CNTN6: variants seen among roughly 807,000 people sequenced by gnomAD.
CNTN6 encodes contactin 6, also known as contactin-6.
A neutral mutation model predicts 122.8 loss-of-function variants in CNTN6; 137 were observed. That is an observed-to-expected ratio of 1.12 (90% CI 0.97 to 1.29). The LOEUF is 1.29. CNTN6 is among the 50% of genes most tolerant of loss of function. The pLI, the probability that CNTN6 is intolerant of heterozygous loss-of-function variation, is 0.00. For missense variants in CNTN6, 1,634 were observed against 1,223.4 expected (o/e 1.34, Z -5.01); for synonymous variants, 570 against 426.0 (o/e 1.34, Z -4.16).
At chr3:1,148,190 T>G (rs990202283) in intron 2 of CNTN6, 127 bp downstream of exon 2, 11 of 687,456 alleles carry the variant, frequency 1.6e-5, no homozygotes, top group Non-Finnish European at 2.7e-5. Flanking sequence ...GATAATGTTT[T>G]GAAGGTAACT....
At chr3:1,196,018 A>G (rs1407160954) in intron 2 of CNTN6, among the ~76,000 whole-genome samples, 2 of 152,210 alleles carry the variant, frequency 1.3e-5, no homozygotes, top group Non-Finnish European at 2.9e-5. Context: ...AAGCAAAAAG[A>G]GACAATGAAA....
intron 12 of CNTN6, among the ~76,000 whole-genome samples, chr3:1,368,155 A>G (rs1708499463): frequency 6.6e-6 from 1 of 152,190 alleles, no homozygotes; most frequent in Non-Finnish European, 1.5e-5. Context: ...CCAATAATTG[A>G]TGAGTTTTGC....
rs1575599444 is a variant in CNTN6, at chr3:1,298,061, A to C, written c.761+70A>C. 2.8e-6 allele frequency: 3 copies of C among 1,060,818 alleles called. No individual in the cohort carries two copies. The East Asian group carries it at 7.5e-5, about 27-fold the overall frequency. The allele number at this position is 1,060,818 out of a possible 1,614,324, so 65.7% of individuals were successfully genotyped here. On this transcript the variant is annotated intron_variant, in intron 7 of 22. Transcript: ENST00000446702. ...TTTTTTTATTAAAAACCTTTTTGTTATTCATATATTGCTCTAAGGTAAATT... is the reference window on the plus strand; with the variant it reads ...TTTTTTTATTAAAAACCTTTTTGTTCTTCATATATTGCTCTAAGGTAAATT...
chr3:1,132,501 G>A (rs1219361686), intron 1 of CNTN6, among the ~76,000 whole-genome samples: 2 of 151,840 alleles, frequency 1.3e-5, no homozygotes, highest in Admixed American at 1.3e-4. Context: ...GAGGCAGGAG[G>A]ATCATTTGAG....
intron 4 of CNTN6, among the ~76,000 whole-genome samples, chr3:1,250,427 T>C (rs2094646286): frequency 6.6e-6 from 1 of 152,134 alleles, no homozygotes; most frequent in African/African-American, 2.4e-5. Flanking sequence ...AAAATTGTCC[T>C]CCCCTGAGCT....
At chr3:1,387,969 G>T (rs1693346841) in intron 20 of CNTN6, among the ~76,000 whole-genome samples, 1 of 152,100 alleles carries the variant, frequency 6.6e-6, no homozygotes. Flanking sequence ...CTGCAAGGCG[G>T]CAGCGAGGCT....
chr3:1,200,892 C>T (rs889906777), intron 2 of CNTN6, among the ~76,000 whole-genome samples: 4 of 151,614 alleles, frequency 2.6e-5, no homozygotes, highest in African/African-American at 9.7e-5. Flanking sequence ...ACCCTATACT[C>T]TTTCTTCTTT....
intron 20 of CNTN6, among the ~76,000 whole-genome samples, chr3:1,396,491 T>A (rs1425929563): frequency 1.3e-5 from 2 of 152,184 alleles, no homozygotes; most frequent in Non-Finnish European, 2.9e-5. Flanking sequence ...ATCTAATTAT[T>A]TGATAACTCT....
Position 1,329,955 on chromosome 3 carries a change from T to A in CNTN6, c.1364+20T>A, listed in dbSNP as rs748988470. On this transcript the variant is annotated intron_variant, in intron 11 of 22. Coordinates refer to ENST00000446702, the MANE Select transcript of CNTN6 (RefSeq NM_001289080.2). ...CAAAAGGTAAACAAATCTTTATTTT[T>A]AAAAATATTTTTGTTTGTAATATAA... The A allele has an allele frequency of 9.3e-6, 14 of 1,502,030 alleles. No homozygotes were observed. The highest frequency in any genetic ancestry group is 4.3e-5 in the African/African-American group (3 of 69,032). 93.0% of individuals were successfully genotyped at this position (1,502,030 alleles called of 1,614,324 possible).
chr3:1,248,532 A>G (rs2094612280), intron 4 of CNTN6, among the ~76,000 whole-genome samples: 1 of 152,172 alleles, frequency 6.6e-6, no homozygotes, highest in Non-Finnish European at 1.5e-5. Flanking sequence ...AATGTGCCCA[A>G]GGACATCAAG....
At chr3:1,248,626 G>T (rs1222494324) in intron 4 of CNTN6, among the ~76,000 whole-genome samples, 1 of 151,998 alleles carries the variant, frequency 6.6e-6, no homozygotes, top group African/African-American at 2.4e-5. Context: ...TTGAGACTAG[G>T]TTGGCCAACA....
intron 2 of CNTN6, among the ~76,000 whole-genome samples, chr3:1,148,425 T>C (rs2092769068): frequency 6.6e-6 from 1 of 151,434 alleles, no homozygotes; most frequent in African/African-American, 2.4e-5. Flanking sequence ...ATTTTCATTA[T>C]AGTGAAGTCT....
intron 12 of CNTN6, among the ~76,000 whole-genome samples, chr3:1,369,481 A>G (rs898041112): frequency 1.3e-5 from 2 of 151,828 alleles, no homozygotes; most frequent in African/African-American, 4.8e-5. Context: ...TTAGTTACAA[A>G]TGAGTTAACT....
chr3:1,285,075 G>C (rs1440881011), intron 5 of CNTN6, among the ~76,000 whole-genome samples: 1 of 152,216 alleles, frequency 6.6e-6, no homozygotes, highest in Admixed American at 6.5e-5. Context: ...GTAGACCACA[G>C]AGGGGCAAGA....
intron 1 of CNTN6, among the ~76,000 whole-genome samples, chr3:1,131,396 T>C (rs1013082436): frequency 4.3e-5 from 6 of 139,822 alleles, no homozygotes; most frequent in Non-Finnish European, 7.7e-5. Flanking sequence ...CAGTGCCTCA[T>C]TCAAAGGCTG....
At chr3:1,314,964 T>C (rs1699889719) in intron 7 of CNTN6, among the ~76,000 whole-genome samples, 1 of 152,008 alleles carries the variant, frequency 6.6e-6, no homozygotes, top group South Asian at 2.1e-4. Context: ...TTGCTTCATA[T>C]TGGTTTTCTT....
At chr3:1,197,016 A>G (rs2093787308) in intron 2 of CNTN6, among the ~76,000 whole-genome samples, 1 of 152,220 alleles carries the variant, frequency 6.6e-6, no homozygotes, top group South Asian at 2.1e-4. Context: ...ATCTTTTGCC[A>G]TTTGTGGATC....
chr3:1,226,734 G>A (rs1480421910), intron 3 of CNTN6, among the ~76,000 whole-genome samples: 1 of 151,926 alleles, frequency 6.6e-6, no homozygotes, highest in Non-Finnish European at 1.5e-5. Context: ...AGGCTTTCAT[G>A]TCATGGAATA....
chr3:1,377,879 T>A (rs155384), intron 17 of CNTN6, among the ~76,000 whole-genome samples: 4 of 151,942 alleles, frequency 2.6e-5, no homozygotes, highest in Non-Finnish European at 4.4e-5. Context: ...TGTGCTCTAG[T>A]TATGGCAAAT....
Sources: gnomAD v4.1 joint callset for allele counts (sites outside exome capture counted in the v4.1 genomes callset) on GRCh38, gnomAD v4.1.1 for gene constraint, MANE v1.5 for transcripts, NCBI Gene and HGNC (gene_info 2026-07-23, HGNC 2026-07-21) for gene names.